Variants in LMBRD1 observed in about 807,000 individuals in gnomAD.
LMBRD1 encodes LMBR1 domain containing 1.
In LMBRD1, 64 loss-of-function variants were observed where a neutral mutation model predicts 74.8. The observed-to-expected ratio is 0.86, with a 90% CI of 0.70 to 1.05. The LOEUF (loss-of-function observed/expected upper bound fraction) is 1.05, where lower values mean the gene tolerates loss of function less well. Among genes scored for constraint, LMBRD1 ranks in the 50% least tolerant of loss-of-function variants. The pLI, the probability that LMBRD1 is intolerant of heterozygous loss-of-function variation, is 0.00. For missense variants in LMBRD1, 652 were observed against 645.9 expected, an observed-to-expected ratio of 1.01 and a Z score of -0.10; for synonymous variants, 204 against 216.3, an observed-to-expected ratio of 0.94 and a Z score of 0.50.
In LMBRD1 at chr6:69,694,911, C is replaced by G. The variant is rs1765960699; in HGVS notation, c.1417+2652G>C. Among the ~76,000 whole-genome samples the G allele has an allele frequency of 3.9e-5, 6 of 152,178 alleles. No individual in the cohort carries two copies. The South Asian group carries it at 1.2e-3, about 31-fold the overall frequency. Reference sequence around the variant, plus strand: ...CATAGGCTATCAAAAGCTTTTGCTACTTTCATCAACTGTCTACCCCACAGC... The same window carrying G: ...CATAGGCTATCAAAAGCTTTTGCTAGTTTCATCAACTGTCTACCCCACAGC... On this transcript the variant is annotated intron_variant, in intron 14 of 15. Transcript: ENST00000649934.
intron 3 of LMBRD1, among the ~76,000 whole-genome samples, chr6:69,778,108 A>G (rs1343757879): frequency 6.6e-6 from 1 of 152,184 alleles, no homozygotes; most frequent in East Asian, 1.9e-4. Context: ...ATATTATCCA[A>G]TTAAATTTTC....
At position 69,752,465 on chromosome 6, in the gene LMBRD1, A is replaced by G. The variant is rs1407350153; in HGVS notation, c.308-109T>C. 4.5e-6 allele frequency: 4 copies of G among 880,006 alleles called. No homozygotes were observed. In the East Asian group the frequency reaches 8.3e-5, roughly 18 times the overall value. 54.5% of individuals were successfully genotyped at this position (880,006 alleles called of 1,614,324 possible). On this transcript the variant is annotated intron_variant, in intron 3 of 15. Coordinates refer to ENST00000649934, the MANE Select transcript of LMBRD1 (RefSeq NM_018368.4). ...CTTAACAAATTCACTCCCCTATCTG[A>G]TTCCCTCTTCTCATAACTCTTTCTA... is the stretch of plus-strand genomic sequence containing the variant.
chr6:69,739,808 T>G (rs1399309780), intron 6 of LMBRD1, among the ~76,000 whole-genome samples: 1 of 152,172 alleles, frequency 6.6e-6, no homozygotes, highest in Non-Finnish European at 1.5e-5. Flanking sequence ...AAGCATTTTT[T>G]TTAAAAAAGG....
At chr6:69,705,976 G>A (rs1766245387) in intron 9 of LMBRD1, 1 of 891,602 alleles carries the variant, frequency 1.1e-6, no homozygotes, top group Non-Finnish European at 1.9e-6. Flanking sequence ...CACTGCCTCT[G>A]CTTCAACGAT....
chr6:69,700,614 C>G (rs1766105656), intron 12 of LMBRD1, 151 bp downstream of exon 12: 1 of 515,986 alleles, frequency 1.9e-6, no homozygotes, highest in Admixed American at 4.7e-5. Flanking sequence ...ATAAAAAGTA[C>G]TTTTATGTCA....
chr6:69,767,525 G>C (rs1765496665), intron 3 of LMBRD1, among the ~76,000 whole-genome samples: 1 of 151,538 alleles, frequency 6.6e-6, no homozygotes. Flanking sequence ...TCCATTGCTG[G>C]TTTCTAATTT....
At chr6:69,755,681 C>A (rs1765252972) in intron 3 of LMBRD1, among the ~76,000 whole-genome samples, 2 of 151,084 alleles carry the variant, frequency 1.3e-5, no homozygotes, top group Admixed American at 1.3e-4. Context: ...AAATACCATG[C>A]CAATATTAGG....
chr6:69,774,584 G>A (rs539522416), intron 3 of LMBRD1, among the ~76,000 whole-genome samples: 2 of 152,200 alleles, frequency 1.3e-5, no homozygotes, highest in South Asian at 4.1e-4. Flanking sequence ...GAAATAGGGA[G>A]AGGCCAAATA....
intron 5 of LMBRD1, among the ~76,000 whole-genome samples, chr6:69,743,769 T>C (rs1252105990): frequency 1.3e-5 from 2 of 152,200 alleles, no homozygotes; most frequent in African/African-American, 4.8e-5. Flanking sequence ...AAGGCACTAA[T>C]TAATCAACAC....
chr6:69,710,481 T>C (rs1000151546), intron 9 of LMBRD1, among the ~76,000 whole-genome samples: 10 of 152,074 alleles, frequency 6.6e-5, no homozygotes, highest in African/African-American at 2.4e-4. Context: ...AATAGACATA[T>C]AAATTAATAT....
chr6:69,710,570 G>A (rs777580827), intron 9 of LMBRD1, among the ~76,000 whole-genome samples: 7 of 151,972 alleles, frequency 4.6e-5, no homozygotes, highest in Non-Finnish European at 7.4e-5. Context: ...ACTAGGAGAC[G>A]ATACAATACA....
intron 7 of LMBRD1, among the ~76,000 whole-genome samples, chr6:69,733,112 A>G (rs1395044196): frequency 1.3e-5 from 2 of 152,154 alleles, no homozygotes; most frequent in African/African-American, 4.8e-5. Flanking sequence ...CACTTGACTG[A>G]CACATAAGAT....
At chr6:69,732,124 T>C (rs977621156) in intron 7 of LMBRD1, among the ~76,000 whole-genome samples, 2 of 152,162 alleles carry the variant, frequency 1.3e-5, no homozygotes, top group Non-Finnish European at 2.9e-5. Context: ...AGGGAATTTC[T>C]TTCTCTAAAT....
chr6:69,722,498 C>A (rs979379752), intron 7 of LMBRD1, among the ~76,000 whole-genome samples: 1 of 150,578 alleles, frequency 6.6e-6, no homozygotes, highest in Non-Finnish European at 1.5e-5. Flanking sequence ...ACAGGCAGTA[C>A]AATGAGACGT....
chr6:69,677,274 C>T (rs1363192824), intron 14 of LMBRD1, among the ~76,000 whole-genome samples: 2 of 152,258 alleles, frequency 1.3e-5, no homozygotes, highest in Admixed American at 1.3e-4. Flanking sequence ...TACACAGCAT[C>T]CCCTCCTTCA....
At chr6:69,755,831 A>G (rs1158266638) in intron 3 of LMBRD1, among the ~76,000 whole-genome samples, 1 of 152,214 alleles carries the variant, frequency 6.6e-6, no homozygotes, top group East Asian at 1.9e-4. Flanking sequence ...CTTCAGCCTG[A>G]GTATGCCACT....
Position 69,713,731 on chromosome 6 carries a change from G to T in LMBRD1, c.829C>A (p.Arg277=). The part of the protein sequence containing the change: ...RALKQFEERL[R]TLKKRERHLE... ...TGCCTCTCTCTCTTCTTAAGTGTTC[G>T]TAACCTTTCTTCAAATTGTTTTAAG... The change falls in exon 9 of 16, where the codon CGA becomes AGA. Residue 277 remains arginine (R), a synonymous_variant. Coordinates refer to ENST00000649934, the MANE Select transcript of LMBRD1 (RefSeq NM_018368.4). 1 of 1,613,608 alleles carries T rather than the reference G, an allele frequency of 6.2e-7. No individual in the cohort carries two copies. The highest frequency in any genetic ancestry group is 8.5e-7 in the Non-Finnish European group (1 of 1,179,696).
intron 12 of LMBRD1, 90 bp from the exon 13 acceptor site, chr6:69,699,282 CA>C: frequency 1.8e-6 from 2 of 1,112,820 alleles, no homozygotes; most frequent in East Asian, 4.8e-5. Flanking sequence ...ATGATTTACA[CA>C]GTTCAATCAA....
intron 3 of LMBRD1, among the ~76,000 whole-genome samples, chr6:69,754,040 C>T (rs1765220775): frequency 6.6e-6 from 1 of 151,702 alleles, no homozygotes; most frequent in Non-Finnish European, 1.5e-5. Flanking sequence ...AAGCCAGTCA[C>T]AAAAAGACAA....
Sources: allele counts gnomAD v4.1 joint callset (sites outside exome capture counted in the v4.1 genomes callset), GRCh38; gene constraint gnomAD v4.1.1; transcripts MANE v1.5; gene names NCBI Gene and HGNC (gene_info 2026-07-23, HGNC 2026-07-21).